The following ACTR5 variants were observed in gnomAD, a reference collection of about 807,000 sequenced individuals.
ACTR5 encodes actin related protein 5.
Under a neutral mutation model 61.2 loss-of-function variants are expected in ACTR5, and 43 were observed. The ratio of observed to expected loss-of-function variants is 0.70; its 90% CI spans 0.55 to 0.91. The LOEUF (loss-of-function observed/expected upper bound fraction) is 0.91. Ranked by LOEUF, ACTR5 falls within the 40% of genes least tolerant of loss-of-function variation. The pLI is 0.00. For synonymous variants in ACTR5, 333 were observed against 310.5 expected (o/e 1.07, Z -0.76); for missense variants, 798 against 782.2 (o/e 1.02, Z -0.24).
At position 38,765,410 on chromosome 20, in the gene ACTR5, C is replaced by G. The variant is rs1479158234; in HGVS notation, c.1185C>G (p.Asp395Glu). ...DVVDSKPETP[D>E]LEQLEPSLED... ...TTTGCTCCTTCTCTTAGACCCCTGA[C>G]CTGGAGCAGCTGGAGCCGTCTTTGG... The change falls in exon 6 of 9, where the codon GAC becomes GAG. Residue 395 changes from aspartate to glutamate, a missense_variant. Asp to Glu is a conservative substitution (Grantham distance 45). Transcript: ENST00000243903. 3.1e-6 allele frequency: 5 copies of G among 1,614,044 alleles called. No individual in the cohort carries two copies. Among genetic ancestry groups the G allele is most frequent in the Admixed American group, 3.3e-5 (2 of 60,012 alleles).
At chr20:38,749,863 T>C in intron 1 of ACTR5, 147 bp from the exon 2 acceptor site, 1 of 633,460 alleles carries the variant, frequency 1.6e-6, no homozygotes, top group Admixed American at 3.0e-5. Flanking sequence ...AAAGATGAGA[T>C]GGGAGTTTTA....
At chr20:38,755,598 C>G (rs1324837324) in intron 4 of ACTR5, among the ~76,000 whole-genome samples, 1 of 150,210 alleles carries the variant, frequency 6.7e-6, no homozygotes, top group East Asian at 1.9e-4. Flanking sequence ...TCCCCCGCCC[C>G]ACCAAAAAAA....
rs2084522587 is a variant in ACTR5 at position 38,771,900 on chromosome 20, T to C, written c.*84T>C. 7.4e-6 allele frequency: 11 copies of C among 1,495,180 alleles called. No individual in the cohort carries two copies. Among genetic ancestry groups the C allele is most frequent in the South Asian group, 6.5e-5 (5 of 77,444 alleles). The allele number at this position is 1,495,180 out of a possible 1,614,324, so 92.6% of individuals were successfully genotyped here. A position where few individuals can be genotyped will look rare whatever the true frequency, so the allele number is the denominator to read the frequency against. On this transcript the variant is annotated 3_prime_UTR_variant, in exon 9 of 9. Coordinates refer to ENST00000243903, the MANE Select transcript of ACTR5 (RefSeq NM_024855.4). ...GACAGGACTGTGATTGTGCTAGATG[T>C]ACCTGCCCAAGTCTGCTGGTCACAT... is the stretch of plus-strand genomic sequence containing the variant.
At chr20:38,771,072 A>T (rs2084516877) in intron 8 of ACTR5, among the ~76,000 whole-genome samples, 1 of 152,212 alleles carries the variant, frequency 6.6e-6, no homozygotes, top group South Asian at 2.1e-4. Flanking sequence ...GGGGAAACTA[A>T]GTGCTGGCAG....
At chr20:38,757,656 G>GT (rs1379009963) in intron 5 of ACTR5, among the ~76,000 whole-genome samples, 1 of 151,916 alleles carries the variant, frequency 6.6e-6, no homozygotes, top group Non-Finnish European at 1.5e-5. Context: ...TGCTTTTGCA[G>GT]TGATGGGCTC....
rs760843617 is a variant in ACTR5, at chr20:38,752,193, A to C, written c.668A>C (p.Gln223Pro). 3 of 1,614,106 alleles carry C rather than the reference A, an allele frequency of 1.9e-6. No individual in the cohort carries two copies. Among genetic ancestry groups the C allele is most frequent in the Non-Finnish European group, 2.5e-6 (3 of 1,179,954 alleles). Residue 223 changes from glutamine (Q) to proline (P), a missense_variant, in exon 3 of 9, where the codon CAG (glutamine) becomes CCG (proline). Transcript: ENST00000243903. ...GGAAGCCAAGCAGCTGGTTACCTCC[A>C]GCGTCTCCTCCAGCTGAAGTACCCT... ...LGGSQAAGYL[Q>P]RLLQLKYPGH...
rs145229396 is a variant in ACTR5, at chr20:38,750,057, A to G, written c.423A>G (p.Pro141=). The change falls in exon 2 of 9, where the codon CCA becomes CCG. Residue 141 remains proline (P), a synonymous_variant. Transcript: ENST00000243903. ...PIVLTEAVCN[P]LYSRQMMSEL... is the part of the protein sequence containing the mutation. ...TTTTGACAGAAGCTGTGTGCAACCC[A>G]CTGTATTCACGGCAAATGATGTCTG... The G allele has an allele frequency of 5.6e-6, 9 of 1,614,084 alleles. No individual in the cohort carries two copies. The African/African-American group carries it at 9.3e-5, about 17-fold the overall frequency.
chr20:38,770,809 C>A (rs985787847), intron 8 of ACTR5, among the ~76,000 whole-genome samples: 9 of 152,248 alleles, frequency 5.9e-5, no homozygotes, highest in African/African-American at 2.2e-4. Context: ...ACTTTCCCAC[C>A]TCCATTTGTG....
chr20:38,767,363 AG>A, intron 7 of ACTR5, 100 bp from the exon 8 acceptor site: 1 of 1,010,240 alleles, frequency 9.9e-7, no homozygotes, highest in Non-Finnish European at 1.4e-6. Context: ...CTTTTTGTGT[AG>A]AAGTTTTTCT....
At position 38,748,733 on chromosome 20, in the gene ACTR5, C is replaced by T; in HGVS notation, c.255C>T (p.Gly85=). 1 of 1,574,270 alleles carries T rather than the reference C, an allele frequency of 6.4e-7. No homozygotes were observed. The highest frequency in any genetic ancestry group is 2.4e-5 in the East Asian group (1 of 42,200). ...GCCCGCAGGTGGGGAACGCTCTGGG[C>T]AGCCTGGAGCCACTGCGCTGGATGC... The part of the protein sequence containing the change: ...ASGPQVGNAL[G]SLEPLRWMLR... Residue 85 remains glycine (G), a synonymous_variant, in exon 1 of 9, where the codon GGC becomes GGT. Transcript: ENST00000243903.
chr20:38,766,480 A>C, intron 7 of ACTR5, 103 bp downstream of exon 7: 328 of 1,346,664 alleles, frequency 2.4e-4, no homozygotes, highest in Non-Finnish European at 3.1e-4. Context: ...AATGCATCTC[A>C]CTCTCTTCTT....
chr20:38,755,701 CAGAG>C (rs1373571430), intron 4 of ACTR5, among the ~76,000 whole-genome samples, 152 bp from the exon 5 acceptor site: 1 of 151,960 alleles, frequency 6.6e-6, no homozygotes, highest in Non-Finnish European at 1.5e-5. Context: ...AGCCTAGAGA[CAGAG>C]AGGTGGGCAG....
Position 38,748,697 on chromosome 20 carries a change from G to T in ACTR5, c.219G>T (p.Arg73=). 6.6e-7 allele frequency: 1 copy of T among 1,523,796 alleles called. No individual in the cohort carries two copies. Among genetic ancestry groups the T allele is most frequent in the Non-Finnish European group, 8.8e-7 (1 of 1,137,098 alleles). 94.4% of individuals were successfully genotyped at this position (1,523,796 alleles called of 1,614,324 possible). A position where few individuals can be genotyped will look rare whatever the true frequency, so the allele number is the denominator to read the frequency against. ...AVCARGRGGA[R]GASGPQVGNA... is the part of the protein sequence containing the mutation. ...GCGCCCGCGGTCGTGGCGGGGCACGGGGCGCGTCGGGCCCGCAGGTGGGGA... is the reference window on the plus strand; with the variant it reads ...GCGCCCGCGGTCGTGGCGGGGCACGTGGCGCGTCGGGCCCGCAGGTGGGGA... The change falls in exon 1 of 9, where the codon CGG becomes CGT. Residue 73 remains arginine (R), a synonymous_variant. Coordinates refer to ENST00000243903, the MANE Select transcript of ACTR5 (RefSeq NM_024855.4).
intron 5 of ACTR5, among the ~76,000 whole-genome samples, chr20:38,757,232 T>C (rs1368760612): frequency 2.0e-5 from 3 of 152,210 alleles, no homozygotes; most frequent in Non-Finnish European, 2.9e-5. Flanking sequence ...TGGCTGTTAA[T>C]AAGTGTCGAA....
intron 2 of ACTR5, 144 bp from the exon 3 acceptor site, chr20:38,751,987 C>A: frequency 1.1e-6 from 1 of 911,802 alleles, no homozygotes; most frequent in Non-Finnish European, 1.6e-6. Flanking sequence ...GGAACTTCAA[C>A]GTCCCTTCTG....
In ACTR5 at chr20:38,766,325, A is replaced by T. The variant is rs35805905; in HGVS notation, c.1381A>T (p.Ile461Leu). The change falls in exon 7 of 9, where the codon ATA becomes TTA. Residue 461 changes from isoleucine (I) to leucine (L), a missense_variant. Coordinates refer to ENST00000243903, the MANE Select transcript of ACTR5 (RefSeq NM_024855.4). ...AGAGATTATTTTCCAGCCATCTCTC[A>T]TAGGAGAAGAACAGGCTGGGATTGC... ...APEIIFQPSL[I>L]GEEQAGIAET... The T allele has an allele frequency of 7.9e-4, 1,277 of 1,613,954 alleles. 15 individuals carry two copies. Among genetic ancestry groups the T allele is most frequent in the Non-Finnish European group, 1.4e-4 (171 of 1,180,026 alleles).
chr20:38,759,755 G>A (rs2084442371), intron 5 of ACTR5, among the ~76,000 whole-genome samples: 1 of 152,176 alleles, frequency 6.6e-6, no homozygotes, highest in Non-Finnish European at 1.5e-5. Context: ...AACAAAAAAT[G>A]AGGGCTATAG....
intron 2 of ACTR5, among the ~76,000 whole-genome samples, chr20:38,751,516 C>T (rs572427888): frequency 9.2e-5 from 14 of 152,290 alleles, no homozygotes; most frequent in African/African-American, 3.1e-4. Context: ...TGAATCATAT[C>T]GTGTTCTATG....
chr20:38,766,320 C>G lies in ACTR5; in HGVS notation c.1376C>G (p.Ser459Cys). Residue 459 changes from serine to cysteine, a missense_variant, in exon 7 of 9, where the codon TCT becomes TGT. Ser to Cys is a moderately radical substitution (Grantham distance 112). Transcript: ENST00000243903. ...IRAPEIIFQP[S>C]LIGEEQAGIA... Reference sequence around the variant, plus strand: ...GCTCCAGAGATTATTTTCCAGCCATCTCTCATAGGAGAAGAACAGGCTGGG... The same window carrying G: ...GCTCCAGAGATTATTTTCCAGCCATGTCTCATAGGAGAAGAACAGGCTGGG... 1 of 1,614,122 alleles carries G rather than the reference C, an allele frequency of 6.2e-7. No individual in the cohort carries two copies.
Sources: gnomAD v4.1 joint callset for allele counts (sites outside exome capture counted in the v4.1 genomes callset) on GRCh38, gnomAD v4.1.1 for gene constraint, MANE v1.5 for transcripts, NCBI Gene and HGNC (gene_info 2026-07-23, HGNC 2026-07-21) for gene names.